Variants in CTNNBIP1 observed in about 807,000 individuals in gnomAD.
CTNNBIP1 encodes the protein beta-catenin-interacting protein 1.
CTNNBIP1 carries 7 observed loss-of-function variants against 11.8 expected under a neutral mutation model. That is an observed-to-expected ratio of 0.60 (90% confidence interval 0.34 to 1.12). The LOEUF is 1.12. Ranked by LOEUF, CTNNBIP1 falls within the 50% of genes most tolerant of loss-of-function variation. The pLI is 0.03. For synonymous variants in CTNNBIP1, 58 were observed against 43.9 expected, an observed-to-expected ratio of 1.32 and a Z score of -1.26; for missense variants, 101 against 113.4, an observed-to-expected ratio of 0.89 and a Z score of 0.50.
intron 1 of CTNNBIP1, among the ~76,000 whole-genome samples, chr1:9,899,212 T>C (rs1328240440): frequency 6.6e-6 from 1 of 152,062 alleles, no homozygotes; most frequent in Non-Finnish European, 1.5e-5. Context: ...TCCCAGCACT[T>C]TGGGAGGCCA....
intron 5 of CTNNBIP1, among the ~76,000 whole-genome samples, chr1:9,860,428 T>TAAAAA (rs58165059): frequency 3.7e-4 from 17 of 45,546 alleles, no homozygotes; most frequent in South Asian, 8.0e-4. Flanking sequence ...CCGTCTCTAC[T>TAAAAA]AAAAAAAAAA....
In CTNNBIP1 at chr1:9,891,601, C is replaced by T. The variant is rs555850682; in HGVS notation, c.-143-7863G>A. Among the ~76,000 whole-genome samples, 8 of 152,156 alleles carry T rather than the reference C, an allele frequency of 5.3e-5. No individual in the cohort carries two copies. The South Asian group carries it at 1.7e-3, about 32-fold the overall frequency. ...TCATCCTCAGGACCTGGCTGAGAGA[C>T]CCCAGGTGCAGCCTCCTGGGGAAAC... On this transcript the variant is annotated intron_variant, in intron 1 of 5. Transcript: ENST00000377263.
chr1:9,851,393 T>C lies in CTNNBIP1; in HGVS notation c.188-617A>G, dbSNP rs1638382472. Among the ~76,000 whole-genome samples, 1 of 152,118 alleles carries C rather than the reference T, an allele frequency of 6.6e-6. No individual in the cohort carries two copies. Among genetic ancestry groups the C allele is most frequent in the Non-Finnish European group, 1.5e-5 (1 of 68,030 alleles). The stretch of plus-strand genomic sequence containing the variant: ...TTCTTTCTTTTTTTTGTGTGTGATA[T>C]GGAGTCTTGCTCTATCACCCAGGCT... On this transcript the variant is annotated intron_variant, in intron 5 of 5. Transcript: ENST00000377263. The surrounding 1 kb of genome is among the most constrained non-coding windows in gnomAD (Gnocchi z 4.8).
intron 1 of CTNNBIP1, among the ~76,000 whole-genome samples, chr1:9,903,332 T>C (rs1209365645): frequency 6.6e-6 from 1 of 152,176 alleles, no homozygotes; most frequent in Non-Finnish European, 1.5e-5. Flanking sequence ...TCAATCATGT[T>C]ATGATGCACA....
At chr1:9,906,543 G>C (rs1639624019) in intron 1 of CTNNBIP1, among the ~76,000 whole-genome samples, 1 of 151,630 alleles carries the variant, frequency 6.6e-6, no homozygotes. Context: ...TGGGCAACAA[G>C]AGCAAAACTC....
At chr1:9,891,824 C>T (rs1172684890) in intron 1 of CTNNBIP1, among the ~76,000 whole-genome samples, 7 of 118,344 alleles carry the variant, frequency 5.9e-5, no homozygotes, top group South Asian at 2.8e-4. Flanking sequence ...GATGGGGTCT[C>T]GCTCTTTCCC....
intron 1 of CTNNBIP1, among the ~76,000 whole-genome samples, chr1:9,884,017 G>A (rs1368831745): frequency 6.6e-6 from 1 of 152,138 alleles, no homozygotes; most frequent in Non-Finnish European, 1.5e-5. Flanking sequence ...AGGAGGGCAG[G>A]GAGCAGAGGA....
At chr1:9,864,066 A>G (rs1277203315) in intron 5 of CTNNBIP1, among the ~76,000 whole-genome samples, 1 of 152,236 alleles carries the variant, frequency 6.6e-6, no homozygotes, top group African/African-American at 2.4e-5. Context: ...CAGCAGCCTC[A>G]GCTTCCAAAG....
chr1:9,897,307 A>C (rs1024583540), intron 1 of CTNNBIP1, among the ~76,000 whole-genome samples: 2 of 151,932 alleles, frequency 1.3e-5, no homozygotes, highest in African/African-American at 4.8e-5. Flanking sequence ...ACAAAAAATT[A>C]GCCAGATGTG....
chr1:9,897,612 A>G (rs752552797), intron 1 of CTNNBIP1, among the ~76,000 whole-genome samples: 2 of 151,872 alleles, frequency 1.3e-5, no homozygotes, highest in Non-Finnish European at 2.9e-5. Flanking sequence ...AGATCCTGCT[A>G]TTGCACTCCA....
At position 9,849,578 on chromosome 1, in the gene CTNNBIP1, G is replaced by GA. The variant is rs1296462252; in HGVS notation, c.*1139dup. ...TTTATGTGGGTTCTGGGCTCCCAGA[G>GA]ACCTCCGCCAGATGACCTCCAGAGT... On this transcript the variant is annotated 3_prime_UTR_variant, in exon 6 of 6. Coordinates refer to ENST00000377263, the MANE Select transcript of CTNNBIP1 (RefSeq NM_020248.3). 6.6e-6 allele frequency: 1 copy of GA among 152,242 alleles called. No homozygotes were observed. Among genetic ancestry groups the GA allele is most frequent in the Non-Finnish European group, 1.5e-5 (1 of 68,050 alleles). 9.4% of individuals were successfully genotyped at this position (152,242 alleles called of 1,614,324 possible).
chr1:9,881,257 A>T (rs1033664819), intron 2 of CTNNBIP1, among the ~76,000 whole-genome samples: 2 of 148,788 alleles, frequency 1.3e-5, no homozygotes, highest in Admixed American at 6.7e-5. Flanking sequence ...GTGGTCTTGA[A>T]CTCCTGGGCT....
At chr1:9,864,829 G>C (rs1319762648) in intron 5 of CTNNBIP1, among the ~76,000 whole-genome samples, 2 of 152,200 alleles carry the variant, frequency 1.3e-5, no homozygotes, top group Non-Finnish European at 2.9e-5. Context: ...AGGGCCCAGG[G>C]TAAAAATGCA....
At chr1:9,889,075 G>A (rs1041608754) in intron 1 of CTNNBIP1, among the ~76,000 whole-genome samples, 1 of 152,194 alleles carries the variant, frequency 6.6e-6, no homozygotes, top group Non-Finnish European at 1.5e-5. Flanking sequence ...TTCAGAGCAA[G>A]CTCTGCAGGC....
intron 1 of CTNNBIP1, among the ~76,000 whole-genome samples, chr1:9,888,740 C>T (rs1639237580): frequency 6.6e-6 from 1 of 152,154 alleles, no homozygotes; most frequent in African/African-American, 2.4e-5. Context: ...AGGTCTGCTG[C>T]CGTGGGAGTG....
intron 1 of CTNNBIP1, among the ~76,000 whole-genome samples, chr1:9,908,278 C>T (rs1436122109): frequency 4.6e-5 from 7 of 151,830 alleles, no homozygotes; most frequent in South Asian, 2.1e-4. Flanking sequence ...AGGATGGTCT[C>T]GAACTCCTGA....
At chr1:9,888,996 C>T (rs772160683) in intron 1 of CTNNBIP1, among the ~76,000 whole-genome samples, 6 of 152,324 alleles carry the variant, frequency 3.9e-5, no homozygotes, top group Non-Finnish European at 7.3e-5. Flanking sequence ...GGTACTGACA[C>T]GGCAACCAGG....
chr1:9,865,245 G>C (rs1463604466), intron 5 of CTNNBIP1, among the ~76,000 whole-genome samples: 1 of 142,444 alleles, frequency 7.0e-6, no homozygotes, highest in African/African-American at 2.6e-5. Context: ...AAAAAAAAAA[G>C]TTTTATTGGA....
rs982413960 is a variant in CTNNBIP1 at position 9,883,203 on chromosome 1, CAGG to C, written c.-110+499_-110+501del. Among the ~76,000 whole-genome samples the C allele has an allele frequency of 5.9e-5, 9 of 152,128 alleles. No homozygotes were observed. The highest frequency in any genetic ancestry group is 1.9e-4 in the African/African-American group (8 of 41,436). ...CAAGCGGAGGGCATTGGGCCCTGGT[CAGG>C]AGATGACTCGGGCAGAGTGGTCTCC... On this transcript the variant is annotated intron_variant, in intron 2 of 5. Transcript: ENST00000377263. The surrounding 1 kb of genome is among the most constrained non-coding windows in gnomAD (Gnocchi z 5.6).
Sources: gnomAD v4.1 joint callset for allele counts (sites outside exome capture counted in the v4.1 genomes callset) on GRCh38, gnomAD v4.1.1 for gene constraint, Gnocchi (gnomAD v3.1) non-coding constraint, MANE v1.5 for transcripts, NCBI Gene and HGNC (gene_info 2026-07-23, HGNC 2026-07-21) for gene names.